Variants in ACE observed in about 807,000 individuals in gnomAD.
ACE encodes angiotensin-converting enzyme.
In ACE, 122 loss-of-function variants were observed where a neutral mutation model predicts 162.3. The ratio of observed to expected loss-of-function variants is 0.75; its 90% CI spans 0.65 to 0.87. The LOEUF (loss-of-function observed/expected upper bound fraction) is 0.87. Ranked by LOEUF, ACE falls within the 40% of genes least tolerant of loss-of-function variation. ACE has a pLI of 0.00. For synonymous variants in ACE, 796 were observed against 720.6 expected, an observed-to-expected ratio of 1.10 and a Z score of -1.68; for missense variants, 1,799 against 1,735.1, an observed-to-expected ratio of 1.04 and a Z score of -0.65.
Position 63,479,079 on chromosome 17 carries a change from A to T in ACE, c.490A>T (p.Thr164Ser). ...GGTCTGCCTCCCCAACAAGACTGCC[A>T]CCTGCTGGTCCCTGGACCCAGGTAC... Reference protein sequence around the residue: ...AKVCLPNKTATCWSLDPDLTN... With the variant: ...AKVCLPNKTASCWSLDPDLTN... The change falls in exon 3 of 25, where the codon ACC becomes TCC. Residue 164 changes from threonine (T) to serine (S), a missense_variant. Coordinates refer to ENST00000290866, the MANE Select transcript of ACE (RefSeq NM_000789.4). 6.2e-7 allele frequency: 1 copy of T among 1,612,150 alleles called. No homozygotes were observed. The highest frequency in any genetic ancestry group is 8.5e-7 in the Non-Finnish European group (1 of 1,179,648).
intron 13 of ACE, 36 bp from the exon 14 acceptor site, chr17:63,486,521 C>T (rs958903486): frequency 2.5e-6 from 4 of 1,612,390 alleles, no homozygotes; most frequent in African/African-American, 1.3e-5. Context: ...CTCTGGAGCT[C>T]CTGGGCCCTG....
Position 63,482,418 on chromosome 17 carries a change from C to T in ACE, c.1119-48C>T, listed in dbSNP as rs369715787. The stretch of plus-strand genomic sequence containing the variant: ...ATCTGCCCTGTGCCCTGGCCCTGCC[C>T]TGTTCTGTCCATCCGTCACTCTCAC... On this transcript the variant is annotated intron_variant, in intron 7 of 24. Transcript: ENST00000290866. The T allele has an allele frequency of 3.2e-6, 5 of 1,566,972 alleles. No homozygotes were observed. In the African/African-American group the frequency reaches 5.4e-5, roughly 17 times the overall value.
chr17:63,483,685 A>T, intron 10 of ACE, 127 bp downstream of exon 10: 1 of 1,403,242 alleles, frequency 7.1e-7, no homozygotes, highest in Admixed American at 1.7e-5. Flanking sequence ...AAAGGCCTGG[A>T]GTTAGAGTGG....
chr17:63,493,786 A>G, intron 20 of ACE, 127 bp downstream of exon 20: 3 of 1,517,446 alleles, frequency 2.0e-6, no homozygotes, highest in South Asian at 1.2e-5. Context: ...GAAGGAAGGG[A>G]GCCACCCAGA....
At chr17:63,486,407 C>T (rs2029939483) in intron 13 of ACE, 150 bp from the exon 14 acceptor site, 3 of 830,858 alleles carry the variant, frequency 3.6e-6, no homozygotes, top group East Asian at 2.7e-5. Flanking sequence ...CAGCGTCCAG[C>T]TTGCAGAGAG....
At chr17:63,479,145 C>A in intron 3 of ACE, 45 bp downstream of exon 3, 2 of 1,479,368 alleles carry the variant, frequency 1.4e-6, no homozygotes, top group Non-Finnish European at 1.9e-6. Context: ...CTAGTGTTCC[C>A]ACATTGCCCT....
Position 63,491,087 on chromosome 17 carries a change from G to A in ACE, c.2739+36G>A. On this transcript the variant is annotated intron_variant, in intron 18 of 24. Coordinates refer to ENST00000290866, the MANE Select transcript of ACE (RefSeq NM_000789.4). The surrounding 1 kb of genome is among the most constrained non-coding windows in gnomAD (Gnocchi z 4.4). ...GCCCAGGGGCAGGGAGGCCCCGCCGGGATGGGAGGGACCCTCTGATTCAGG... is the reference window on the plus strand; with the variant it reads ...GCCCAGGGGCAGGGAGGCCCCGCCGAGATGGGAGGGACCCTCTGATTCAGG... 1.9e-6 allele frequency: 3 copies of A among 1,612,292 alleles called. No individual in the cohort carries two copies. The highest frequency in any genetic ancestry group is 2.5e-6 in the Non-Finnish European group (3 of 1,178,562).
rs770384980 is a variant in ACE at position 63,497,201 on chromosome 17, G to A, written c.3756G>A (p.Ala1252=). ...RVSFLGLDLD[A]QQARVGQWLL... is the part of the protein sequence containing the mutation. The stretch of plus-strand genomic sequence containing the variant: ...GCTTCCTGGGCCTGGACCTGGATGC[G>A]CAGCAGGCCCGCGTGGGCCAGTGGC... The change falls in exon 25 of 25, where the codon GCG becomes GCA. Residue 1252 remains alanine, a synonymous_variant. Coordinates refer to ENST00000290866, the MANE Select transcript of ACE (RefSeq NM_000789.4). 1.6e-5 allele frequency: 26 copies of A among 1,601,548 alleles called. No homozygotes were observed. The highest frequency in any genetic ancestry group is 1.8e-4 in the Middle Eastern group (1 of 5,506).
chr17:63,493,576 T>C lies in ACE; in HGVS notation c.3053T>C (p.Ile1018Thr), dbSNP rs4976. 3.4e-4 allele frequency: 541 copies of C among 1,614,120 alleles called. 1 individual carries two copies. The African/African-American group carries it at 3.5e-3, about 10-fold the overall frequency. The change falls in exon 20 of 25, where the codon ATT becomes ACT. Residue 1018 changes from isoleucine to threonine, a missense_variant. By Grantham distance (89) the Ile-to-Thr change is moderately conservative. Coordinates refer to ENST00000290866, the MANE Select transcript of ACE (RefSeq NM_000789.4). ...GCCAACCCCGGCTTCCATGAGGCCA[T>C]TGGGGACGTGCTAGCCCTCTCAGTG... Reference protein sequence around the residue: ...EGANPGFHEAIGDVLALSVST... With the variant: ...EGANPGFHEATGDVLALSVST...
In ACE at chr17:63,497,694, G is replaced by A; in HGVS notation, c.*328G>A. 1.8e-6 allele frequency: 1 copy of A among 548,224 alleles called. No homozygotes were observed. The allele number at this position is 548,224 out of a possible 1,614,324, so 34.0% of individuals were successfully genotyped here. ...TTTCCTGCCTCCTGGCAGTCAAGTG[G>A]GTCCCGTTACTAGGTTTGTTCCTCC... On this transcript the variant is annotated 3_prime_UTR_variant, in exon 25 of 25. Transcript: ENST00000290866.
intron 15 of ACE, 165 bp from the exon 16 acceptor site, chr17:63,488,483 G>A (rs540870740): frequency 1.6e-6 from 1 of 620,824 alleles, no homozygotes; most frequent in East Asian, 3.9e-5. Flanking sequence ...AGCCACTGCT[G>A]GAGAGCCACT....
At position 63,486,727 on chromosome 17, in the gene ACE, G is replaced by T. The variant is rs375034664; in HGVS notation, c.2217+12G>T. Reference sequence around the variant, plus strand: ...AGGAGCTGGAGGAGGTGTGTGGCTCGCAAGGTACAGGGAGAGGGGAATCCT... The same window carrying T: ...AGGAGCTGGAGGAGGTGTGTGGCTCTCAAGGTACAGGGAGAGGGGAATCCT... On this transcript the variant is annotated intron_variant, in intron 14 of 24. Coordinates refer to ENST00000290866, the MANE Select transcript of ACE (RefSeq NM_000789.4). 1 of 1,613,988 alleles carries T rather than the reference G, an allele frequency of 6.2e-7. No homozygotes were observed.
At position 63,491,020 on chromosome 17, in the gene ACE, C is replaced by T. The variant is rs558504919; in HGVS notation, c.2708C>T (p.Ser903Leu). The T allele has an allele frequency of 2.2e-5, 36 of 1,614,136 alleles. No individual in the cohort carries two copies. In the East Asian group the frequency reaches 3.3e-4, roughly 15 times the overall value. The change falls in exon 18 of 25, where the codon TCG (serine) becomes TTG (leucine). Residue 903 changes from serine to leucine, a missense_variant. Physicochemically the swap from Ser to Leu is moderately radical, Grantham distance 145. Transcript: ENST00000290866. The surrounding 1 kb of genome is among the most constrained non-coding windows in gnomAD (Gnocchi z 4.4). The stretch of plus-strand genomic sequence containing the variant: ...GTGGTGCCCTTCCCTTCAGCCCCCT[C>T]GATGGACACCACAGAGGCTATGCTA... The part of the protein sequence containing the change: ...DLVVPFPSAP[S>L]MDTTEAMLKQ...
At chr17:63,495,655 C>T (rs997322167) in intron 22 of ACE, among the ~76,000 whole-genome samples, 4 of 152,218 alleles carry the variant, frequency 2.6e-5, no homozygotes, top group Non-Finnish European at 4.4e-5. Context: ...TCCCAGCCGG[C>T]GCTGGCTCTC....
In ACE at chr17:63,488,669, C is replaced by T. The variant is rs769940023; in HGVS notation, c.2327C>T (p.Thr776Met). ...CCAGATCTGACGAATGTGATGGCCA[C>T]GTCCCGGAAATATGAAGACCTGTTA... ...LEPDLTNVMA[T>M]SRKYEDLLWA... The change falls in exon 16 of 25, where the codon ACG becomes ATG. Residue 776 changes from threonine (T) to methionine (M), a missense_variant. Physicochemically the swap from Thr to Met is moderately conservative, Grantham distance 81. Transcript: ENST00000290866. 5.0e-6 allele frequency: 8 copies of T among 1,613,066 alleles called. No homozygotes were observed. The highest frequency in any genetic ancestry group is 1.7e-5 in the Admixed American group (1 of 59,836).
In ACE at chr17:63,480,267, C is replaced by A. The variant is rs375207354; in HGVS notation, c.656-70C>A. The stretch of plus-strand genomic sequence containing the variant: ...ACGGGCCTCGAGCCAGTGGAAGAGC[C>A]GACTTACAGCTGAGAGGCTGAGGTC... On this transcript the variant is annotated intron_variant, in intron 4 of 24. Transcript: ENST00000290866. 4.5e-6 allele frequency: 7 copies of A among 1,552,978 alleles called. No homozygotes were observed. In the African/African-American group the frequency reaches 9.5e-5, roughly 21 times the overall value.
chr17:63,479,699 G>A, intron 3 of ACE, 70 bp from the exon 4 acceptor site: 1 of 1,595,444 alleles, frequency 6.3e-7, no homozygotes, highest in Non-Finnish European at 8.6e-7. Context: ...ACTGGTGCAG[G>A]CTCTGGTGAA....
intron 17 of ACE, 37 bp from the exon 18 acceptor site, chr17:63,490,917 C>T: frequency 6.3e-7 from 1 of 1,599,876 alleles, no homozygotes; most frequent in Non-Finnish European, 8.6e-7. Context: ...TAACATTTGT[C>T]TTTCCTCTCT....
rs372626836 is a variant in ACE, at chr17:63,482,621, C to T, written c.1274C>T (p.Ala425Val). Reference sequence around the variant, plus strand: ...CATGAGGCCATTGGGGACGTGCTGGCGCTCTCGGTCTCCACTCCTGAACAT... The same window carrying T: ...CATGAGGCCATTGGGGACGTGCTGGTGCTCTCGGTCTCCACTCCTGAACAT... ...GFHEAIGDVL[A>V]LSVSTPEHLH... is the part of the protein sequence containing the mutation. The change falls in exon 8 of 25, where the codon GCG (alanine) becomes GTG (valine). Residue 425 changes from alanine to valine, a missense_variant. Transcript: ENST00000290866. 37 of 1,613,940 alleles carry T rather than the reference C, an allele frequency of 2.3e-5. No homozygotes were observed. Among genetic ancestry groups the T allele is most frequent in the Middle Eastern group, 1.6e-4 (1 of 6,084 alleles).
Sources: allele counts gnomAD v4.1 joint callset (sites outside exome capture counted in the v4.1 genomes callset), GRCh38; gene constraint gnomAD v4.1.1; non-coding constraint Gnocchi (gnomAD v3.1); transcripts MANE v1.5; gene names NCBI Gene and HGNC (gene_info 2026-07-23, HGNC 2026-07-21).